Variants in CYP27A1 observed in about 807,000 individuals in gnomAD.
The protein encoded by CYP27A1 is sterol 26-hydroxylase, mitochondrial.
CYP27A1 carries 46 observed loss-of-function variants against 58.2 expected under a neutral mutation model. That is an observed-to-expected ratio of 0.79 (90% CI 0.62 to 1.01). The LOEUF (loss-of-function observed/expected upper bound fraction) is 1.01. CYP27A1 is among the 50% of genes least tolerant of loss of function. The pLI, the probability that CYP27A1 is intolerant of heterozygous loss-of-function variation, is 0.00. For missense variants in CYP27A1, 704 were observed against 687.0 expected (o/e 1.02, Z -0.28); for synonymous variants, 274 against 285.1 (o/e 0.96, Z 0.39).
chr2:218,782,507 G>A lies in CYP27A1; in HGVS notation c.255+70G>A. On this transcript the variant is annotated intron_variant, in intron 1 of 8. Transcript: ENST00000258415. This position sits in a 1 kb window ranked among gnomAD's most constrained non-coding sequence, Gnocchi z 4.1. ...GGAACAGAGAGGCTAGAGGTGAGAA[G>A]ACGTTGGACAGAAAGTGAAGGCTGC... The A allele has an allele frequency of 1.9e-6, 3 of 1,597,056 alleles. No individual in the cohort carries two copies. Among genetic ancestry groups the A allele is most frequent in the Non-Finnish European group, 1.7e-6 (2 of 1,167,292 alleles).
In CYP27A1 at chr2:218,785,836, T is replaced by A. The variant is rs148172078; in HGVS notation, c.255+3399T>A. On this transcript the variant is annotated intron_variant, in intron 1 of 8. Transcript: ENST00000258415. ...TTAATAACCTTTTAAAATTAGAGAATGTGTTTCAGTTACTCACTTTGTATC... is the reference window on the plus strand; with the variant it reads ...TTAATAACCTTTTAAAATTAGAGAAAGTGTTTCAGTTACTCACTTTGTATC... Among the ~76,000 whole-genome samples, 377 of 152,324 alleles carry A rather than the reference T, an allele frequency of 2.5e-3. 1 individual carries two copies. Among genetic ancestry groups the A allele is most frequent in the Non-Finnish European group, 4.6e-3 (310 of 68,030 alleles).
chr2:218,810,983 T>TA (rs545836420), intron 2 of CYP27A1, among the ~76,000 whole-genome samples: 121 of 150,650 alleles, frequency 8.0e-4, no homozygotes, highest in Admixed American at 1.3e-3. Flanking sequence ...CCGACTCTAC[T>TA]AAAAAAAAAT....
At chr2:218,814,226 T>C in intron 6 of CYP27A1, 39 bp downstream of exon 6, 2 of 1,613,788 alleles carry the variant, frequency 1.2e-6, no homozygotes, top group Middle Eastern at 1.6e-4. Flanking sequence ...CAGGATCTCT[T>C]TGTGGGGAGG....
intron 1 of CYP27A1, among the ~76,000 whole-genome samples, chr2:218,807,363 G>A (rs986709174): frequency 6.6e-6 from 1 of 152,138 alleles, no homozygotes; most frequent in African/African-American, 2.4e-5. Flanking sequence ...AAATGATATG[G>A]CTGGGGCACT....
chr2:218,809,893 C>T, intron 2 of CYP27A1, 126 bp downstream of exon 2: 1 of 839,594 alleles, frequency 1.2e-6, no homozygotes, highest in Non-Finnish European at 1.8e-6. Flanking sequence ...GCCTGATGGT[C>T]TAGAGAGCAG....
chr2:218,798,610 C>G (rs992264802), intron 1 of CYP27A1, among the ~76,000 whole-genome samples: 68 of 152,280 alleles, frequency 4.5e-4, no homozygotes, highest in African/African-American at 1.2e-3. Flanking sequence ...AGGCCGGGTG[C>G]AGTGGCTCAT....
intron 5 of CYP27A1, 57 bp from the exon 6 acceptor site, chr2:218,813,964 A>G: frequency 6.2e-7 from 1 of 1,603,050 alleles, no homozygotes; most frequent in East Asian, 2.2e-5. Flanking sequence ...ACACCCTCCC[A>G]TTACTGGCCT....
intron 4 of CYP27A1, 85 bp downstream of exon 4, chr2:218,812,834 C>T (rs980567810): frequency 8.8e-5 from 141 of 1,606,494 alleles, no homozygotes; most frequent in Non-Finnish European, 1.1e-4. Flanking sequence ...AGGCCTTTTC[C>T]CTCATGCTAC....
rs778424069 is a variant in CYP27A1, at chr2:218,809,689, A to C, written c.368A>C (p.Lys123Thr). Residue 123 changes from lysine to threonine, a missense_variant, in exon 2 of 9, where the codon AAG becomes ACG. Transcript: ENST00000258415. ...GAGCAAGTGATGCGGCAAGAGGGCA[A>C]GTACCCAGTACGGAACGACATGGAG... is the stretch of plus-strand genomic sequence containing the variant. ...LLEQVMRQEGKYPVRNDMELW... is the reference protein window; with the variant it reads ...LLEQVMRQEGTYPVRNDMELW... 2.2e-5 allele frequency: 35 copies of C among 1,614,062 alleles called. No individual in the cohort carries two copies. The East Asian group carries it at 7.4e-4, about 34-fold the overall frequency.
intron 1 of CYP27A1, among the ~76,000 whole-genome samples, chr2:218,802,194 C>G (rs1943606534): frequency 1.3e-5 from 2 of 152,114 alleles, no homozygotes. Context: ...GGGAACGACA[C>G]AGCAGCAGGG....
chr2:218,803,049 A>T (rs995544000), intron 1 of CYP27A1, among the ~76,000 whole-genome samples: 11 of 152,032 alleles, frequency 7.2e-5, no homozygotes, highest in African/African-American at 2.7e-4. Flanking sequence ...GGTTAAAGTG[A>T]TTCTCATGCC....
chr2:218,787,473 G>A (rs1178630515), intron 1 of CYP27A1, among the ~76,000 whole-genome samples: 1 of 152,212 alleles, frequency 6.6e-6, no homozygotes, highest in Non-Finnish European at 1.5e-5. Flanking sequence ...CAAATCCAGA[G>A]AAACAAATGT....
At chr2:218,792,487 A>G (rs1943503405) in intron 1 of CYP27A1, among the ~76,000 whole-genome samples, 1 of 152,202 alleles carries the variant, frequency 6.6e-6, no homozygotes, top group Non-Finnish European at 1.5e-5. Context: ...GTCCAAATAT[A>G]TGATTTTAAA....
chr2:218,799,166 GCCCACCCCTC>G (rs1174922453), intron 1 of CYP27A1, among the ~76,000 whole-genome samples: 7 of 152,026 alleles, frequency 4.6e-5, no homozygotes, highest in Admixed American at 2.6e-4. Flanking sequence ...TCTTGGTGCT[GCCCACCCCTC>G]CCCCTAATGC....
At position 218,784,100 on chromosome 2, in the gene CYP27A1, G is replaced by A. The variant is rs1406582686; in HGVS notation, c.255+1663G>A. Among the ~76,000 whole-genome samples the A allele has an allele frequency of 2.6e-5, 4 of 152,274 alleles. No individual in the cohort carries two copies. In the East Asian group the frequency reaches 7.7e-4, roughly 29 times the overall value. On this transcript the variant is annotated intron_variant, in intron 1 of 8. Transcript: ENST00000258415. ...CACTCCAGAGAAAACTGGAATGGAGGTTGAGGATGAGGGAGAAGATGACTC... is the reference window on the plus strand; with the variant it reads ...CACTCCAGAGAAAACTGGAATGGAGATTGAGGATGAGGGAGAAGATGACTC...
intron 1 of CYP27A1, among the ~76,000 whole-genome samples, chr2:218,790,922 C>T (rs372922208): frequency 7.9e-5 from 12 of 151,994 alleles, no homozygotes; most frequent in Admixed American, 2.0e-4. Context: ...AGGATGGTCT[C>T]GATCTCCTGA....
intron 1 of CYP27A1, among the ~76,000 whole-genome samples, chr2:218,792,361 G>A (rs1329342278): frequency 6.6e-6 from 1 of 152,120 alleles, no homozygotes; most frequent in Non-Finnish European, 1.5e-5. Context: ...GGATGATTTA[G>A]CATGAACATC....
chr2:218,786,461 G>A (rs1943441364), intron 1 of CYP27A1, among the ~76,000 whole-genome samples: 1 of 152,178 alleles, frequency 6.6e-6, no homozygotes, highest in African/African-American at 2.4e-5. Context: ...AAGCATTGTA[G>A]CACTTAAGGG....
intron 1 of CYP27A1, among the ~76,000 whole-genome samples, chr2:218,801,342 T>G (rs889588280): frequency 2.0e-5 from 3 of 151,826 alleles, no homozygotes; most frequent in Non-Finnish European, 4.4e-5. Context: ...CTGTCTCTAT[T>G]AAAATACAAA....
Sources: allele counts gnomAD v4.1 joint callset (sites outside exome capture counted in the v4.1 genomes callset), GRCh38; gene constraint gnomAD v4.1.1; non-coding constraint Gnocchi (gnomAD v3.1); transcripts MANE v1.5; gene names NCBI Gene and HGNC (gene_info 2026-07-23, HGNC 2026-07-21).